Variants in TENM2 observed in about 807,000 individuals in gnomAD.
TENM2 encodes the protein teneurin-2.
TENM2 carries 52 observed loss-of-function variants against 245.2 expected under a neutral mutation model. That is an observed-to-expected ratio of 0.21 (90% CI 0.17 to 0.27). The LOEUF is 0.27. TENM2 is among the 10% of genes least tolerant of loss of function. The pLI, the probability that TENM2 is intolerant of heterozygous loss-of-function variation, is 1.00. For synonymous variants in TENM2, 1,363 were observed against 1,438.9 expected (o/e 0.95, Z 1.19); for missense variants, 3,046 against 3,666.8 (o/e 0.83, Z 4.37).
chr5:167,350,757 C>CACACGG, intron 1 of TENM2, among the ~76,000 whole-genome samples: 1 of 123,872 alleles, frequency 8.1e-6, no homozygotes, highest in African/African-American at 3.0e-5. Context: ...GGGATATATA[C>CACACGG]ATATGGATAT....
intron 19 of TENM2, among the ~76,000 whole-genome samples, chr5:168,208,484 C>A (rs528495550): frequency 1.4e-3 from 211 of 152,268 alleles, no homozygotes; most frequent in Non-Finnish European, 2.6e-3. Context: ...GGAAGGCGGG[C>A]AAAGCCAGCA....
chr5:167,899,623 G>A (rs1379085790), intron 3 of TENM2, among the ~76,000 whole-genome samples: 1 of 152,174 alleles, frequency 6.6e-6, no homozygotes, highest in Non-Finnish European at 1.5e-5. Flanking sequence ...CAGCTCCCGA[G>A]AGACACCTGA....
chr5:167,971,746 A>G (rs960123634), intron 4 of TENM2, among the ~76,000 whole-genome samples: 2 of 152,106 alleles, frequency 1.3e-5, no homozygotes, highest in Admixed American at 6.5e-5. Context: ...CAAAAACAAA[A>G]AAAACCCTGA....
intron 2 of TENM2, among the ~76,000 whole-genome samples, chr5:167,810,648 A>G (rs951789434): frequency 3.3e-5 from 5 of 152,174 alleles, no homozygotes; most frequent in Admixed American, 6.6e-5. Context: ...CTCTAATTAA[A>G]TCAGGAAGGG....
the TENM2 span, among the ~76,000 whole-genome samples, chr5:167,187,626 C>T: frequency 6.6e-6 from 1 of 152,118 alleles, no homozygotes; most frequent in Non-Finnish European, 1.5e-5. Context: ...TGATGTGACT[C>T]TACAGTCCCA....
intron 2 of TENM2, among the ~76,000 whole-genome samples, chr5:167,777,421 T>G (rs1763885287): frequency 6.6e-6 from 1 of 152,256 alleles, no homozygotes; most frequent in Non-Finnish European, 1.5e-5. Flanking sequence ...AAATAAGTAT[T>G]AGAAATAAAA....
intron 2 of TENM2, among the ~76,000 whole-genome samples, chr5:167,455,618 A>G (rs1459990238): frequency 6.6e-6 from 1 of 152,180 alleles, no homozygotes; most frequent in Non-Finnish European, 1.5e-5. Context: ...TTAGTTGATA[A>G]ATAAGTTAAC....
chr5:167,141,069 G>A, the TENM2 span, among the ~76,000 whole-genome samples: 14 of 152,228 alleles, frequency 9.2e-5, no homozygotes, highest in East Asian at 7.7e-4. Flanking sequence ...TGCAGTTTGC[G>A]CATTTTTCAG....
chr5:167,918,924 G>A (rs996234683), intron 3 of TENM2, among the ~76,000 whole-genome samples: 1 of 152,072 alleles, frequency 6.6e-6, no homozygotes, highest in East Asian at 1.9e-4. Context: ...CTGCAATAGC[G>A]AGTTAATTCA....
rs563076779 is a variant in TENM2 at position 168,027,069 on chromosome 5, C to T, written c.1187-20358C>T. 3.9e-5 allele frequency among the ~76,000 whole-genome samples: 6 copies of T among 152,212 alleles called. No individual in the cohort carries two copies. The East Asian group carries it at 9.7e-4, about 24-fold the overall frequency. On this transcript the variant is annotated intron_variant, in intron 5 of 28. Coordinates refer to ENST00000518659, the Ensembl canonical transcript of TENM2. Reference sequence around the variant, plus strand: ...TGATAATCCCTCCACATGGACTAGGCGCTTGCATGTGCACCTGTCAGGAAA... The same window carrying T: ...TGATAATCCCTCCACATGGACTAGGTGCTTGCATGTGCACCTGTCAGGAAA...
At chr5:167,119,394 A>G in the TENM2 span, 1 of 152,318 alleles carries the variant, frequency 6.6e-6, no homozygotes, top group Non-Finnish European at 1.5e-5. Context: ...AGTAATCCGC[A>G]TTTAGTCCAT....
chr5:167,915,561 C>T (rs746367538), intron 3 of TENM2, among the ~76,000 whole-genome samples: 1 of 152,160 alleles, frequency 6.6e-6, no homozygotes, highest in Non-Finnish European at 1.5e-5. Flanking sequence ...GGGTGGGTCT[C>T]ACTTTCCCAG....
In TENM2 at chr5:167,334,089, C is replaced by A. The variant is rs1322567925; in HGVS notation, c.227-41109C>A. On this transcript the variant is annotated intron_variant, in intron 1 of 28. Transcript: ENST00000518659. ...TCCTGTGTGCCAGATATTATAAGTG[C>A]TTTTATGAATTGTTTTATTTATTGT... is the stretch of plus-strand genomic sequence containing the variant. 1.3e-5 allele frequency among the ~76,000 whole-genome samples: 2 copies of A among 151,936 alleles called. 1 individual carries two copies. Among genetic ancestry groups the A allele is most frequent in the Non-Finnish European group, 2.9e-5 (2 of 67,978 alleles).
chr5:167,829,118 G>A (rs1016088638), intron 2 of TENM2, among the ~76,000 whole-genome samples: 1 of 152,184 alleles, frequency 6.6e-6, no homozygotes, highest in Admixed American at 6.5e-5. Flanking sequence ...AAATCTTGGG[G>A]GTGTTCAAGG....
intron 2 of TENM2, among the ~76,000 whole-genome samples, chr5:167,702,733 C>T (rs1282476505): frequency 2.6e-5 from 4 of 151,946 alleles, no homozygotes; most frequent in Admixed American, 2.0e-4. Context: ...GGTACAATCT[C>T]GACTCACTGC....
At chr5:167,384,954 G>T (rs572387121) in intron 2 of TENM2, among the ~76,000 whole-genome samples, 7 of 152,178 alleles carry the variant, frequency 4.6e-5, no homozygotes, top group Admixed American at 4.6e-4. Context: ...GAAAATGGGA[G>T]GAGGTACATA....
At chr5:167,314,041 TA>T (rs1296525367) in intron 1 of TENM2, among the ~76,000 whole-genome samples, 1 of 152,174 alleles carries the variant, frequency 6.6e-6, no homozygotes, top group Non-Finnish European at 1.5e-5. Context: ...GTTATGTTTA[TA>T]AATGTTGAAT....
chr5:167,916,173 GCAGT>G (rs1363387547), intron 3 of TENM2, among the ~76,000 whole-genome samples: 5 of 152,210 alleles, frequency 3.3e-5, no homozygotes, highest in Admixed American at 3.3e-4. Flanking sequence ...GGCTTCGCCA[GCAGT>G]CAAAGAACCG....
chr5:168,165,607 T>C (rs1581507841), intron 13 of TENM2, among the ~76,000 whole-genome samples: 1 of 112,916 alleles, frequency 8.9e-6, no homozygotes. Context: ...TCCCCGGGCC[T>C]AAGGGTTGCC....
Sources: allele counts gnomAD v4.1 joint callset (sites outside exome capture counted in the v4.1 genomes callset), GRCh38; gene constraint gnomAD v4.1.1; transcripts MANE v1.5; gene names NCBI Gene and HGNC (gene_info 2026-07-23, HGNC 2026-07-21).